Variants in PDS5B observed in about 807,000 individuals in gnomAD.
PDS5B encodes sister chromatid cohesion protein PDS5 homolog B.
PDS5B carries 51 observed loss-of-function variants against 184.1 expected under a neutral mutation model. That is an observed-to-expected ratio of 0.28 (90% CI 0.22 to 0.35). PDS5B has a LOEUF of 0.35. Ranked by LOEUF, PDS5B falls within the 10% of genes least tolerant of loss-of-function variation. PDS5B has a pLI of 1.00. For synonymous variants in PDS5B, 566 were observed against 569.2 expected, an observed-to-expected ratio of 0.99 and a Z score of 0.08; for missense variants, 1,180 against 1,723.3, an observed-to-expected ratio of 0.68 and a Z score of 5.58.
chr13:32,707,518 T>C (rs1952065366), intron 18 of PDS5B, among the ~76,000 whole-genome samples: 2 of 151,420 alleles, frequency 1.3e-5, no homozygotes, highest in African/African-American at 4.9e-5. Context: ...TTGGGATCAT[T>C]GAGATCAAAC....
chr13:32,711,521 C>T (rs1952203023), intron 19 of PDS5B, among the ~76,000 whole-genome samples: 1 of 152,010 alleles, frequency 6.6e-6, no homozygotes, highest in African/African-American at 2.4e-5. Context: ...CCACACCTGG[C>T]TAATTTTTGT....
At position 32,755,925 on chromosome 13, in the gene PDS5B, C is replaced by G; in HGVS notation, c.3025C>G (p.Gln1009Glu). ...LAHDPDYVKV[Q>E]DIEQLKDVKE... is the part of the protein sequence containing the mutation. ...ACATGACCCAGATTATGTCAAAGTA[C>G]AGGATATTGAACAACTTAAAGATGT... Residue 1009 changes from glutamine (Q) to glutamate (E), a missense_variant, in exon 26 of 35, where the codon CAG (glutamine) becomes GAG (glutamate). Transcript: ENST00000315596. 6.4e-7 allele frequency: 1 copy of G among 1,573,330 alleles called. No homozygotes were observed. Among genetic ancestry groups the G allele is most frequent in the Non-Finnish European group, 8.7e-7 (1 of 1,147,938 alleles).
At position 32,758,056 on chromosome 13, in the gene PDS5B, A is replaced by G. The variant is rs1237535057; in HGVS notation, c.3057-31A>G. The G allele has an allele frequency of 1.2e-5, 11 of 955,134 alleles. No individual in the cohort carries two copies. In the Admixed American group the frequency reaches 2.3e-4, roughly 20 times the overall value. 59.2% of individuals were successfully genotyped at this position (955,134 alleles called of 1,614,324 possible). A position where few individuals can be genotyped will look rare whatever the true frequency, so the allele number is the denominator to read the frequency against. The stretch of plus-strand genomic sequence containing the variant: ...ATTTAACAAAGGATGATTTTCTTCT[A>G]TATTTCTTTTTTCCTTTTTTTTTTT... On this transcript the variant is annotated intron_variant, in intron 26 of 34. Transcript: ENST00000315596.
At chr13:32,646,157 A>G (rs910496274) in intron 1 of PDS5B, among the ~76,000 whole-genome samples, 1 of 151,986 alleles carries the variant, frequency 6.6e-6, no homozygotes, top group East Asian at 1.9e-4. Context: ...GGTGCACACC[A>G]CTATGCTTGG....
At chr13:32,708,147 C>T (rs1162334769) in intron 18 of PDS5B, among the ~76,000 whole-genome samples, 3 of 152,138 alleles carry the variant, frequency 2.0e-5, no homozygotes, top group African/African-American at 7.2e-5. Context: ...CTGCCCTGAG[C>T]TACAACTCTC....
At chr13:32,756,049 G>T in intron 26 of PDS5B, 93 bp downstream of exon 26, 1 of 666,576 alleles carries the variant, frequency 1.5e-6, no homozygotes, top group Non-Finnish European at 2.7e-6. Flanking sequence ...TTAGTTTATT[G>T]ATGTATTTCA....
chr13:32,653,543 T>G (rs1013951841), intron 3 of PDS5B, among the ~76,000 whole-genome samples: 1 of 152,152 alleles, frequency 6.6e-6, no homozygotes, highest in African/African-American at 2.4e-5. Flanking sequence ...ACAATTCAAG[T>G]AGAGGATGTG....
intron 21 of PDS5B, among the ~76,000 whole-genome samples, chr13:32,738,419 A>C (rs1953416229): frequency 6.6e-6 from 1 of 152,182 alleles, no homozygotes; most frequent in South Asian, 2.1e-4. Flanking sequence ...TTATAGTCCC[A>C]ATGTGCATTT....
chr13:32,716,057 GT>G (rs373822086), intron 19 of PDS5B, among the ~76,000 whole-genome samples: 151,981 of 151,986 alleles, frequency 1, 75,988 homozygotes, highest in Middle Eastern at 1. Flanking sequence ...AGTGCCGAGA[GT>G]TGCAGCCTCT....
intron 1 of PDS5B, among the ~76,000 whole-genome samples, chr13:32,595,547 T>A (rs551141519): frequency 1.3e-4 from 20 of 152,294 alleles, no homozygotes; most frequent in African/African-American, 4.6e-4. Flanking sequence ...GCATGGGATT[T>A]CCACAATAGA....
At chr13:32,615,636 G>A (rs2058207260) in intron 1 of PDS5B, among the ~76,000 whole-genome samples, 1 of 152,108 alleles carries the variant, frequency 6.6e-6, no homozygotes, top group South Asian at 2.1e-4. Context: ...AGTCATCATG[G>A]TGTAATGAAG....
At chr13:32,710,965 G>A (rs1566357408) in intron 19 of PDS5B, among the ~76,000 whole-genome samples, 1 of 152,014 alleles carries the variant, frequency 6.6e-6, no homozygotes, top group South Asian at 2.1e-4. Context: ...CTGATAAATA[G>A]AACAAAGGCA....
At chr13:32,741,770 A>G (rs1300585641) in intron 22 of PDS5B, among the ~76,000 whole-genome samples, 3 of 150,060 alleles carry the variant, frequency 2.0e-5, no homozygotes, top group Non-Finnish European at 3.0e-5. Flanking sequence ...ATTACGAACT[A>G]CCTTTTCACA....
intron 10 of PDS5B, among the ~76,000 whole-genome samples, chr13:32,680,827 CTG>C (rs1178986611): frequency 2.0e-5 from 3 of 152,166 alleles, no homozygotes; most frequent in African/African-American, 7.2e-5. Flanking sequence ...GGGTCTTACT[CTG>C]TTGCCCAGGC....
intron 19 of PDS5B, among the ~76,000 whole-genome samples, chr13:32,716,954 G>A (rs1194201626): frequency 4.8e-5 from 5 of 104,052 alleles, no homozygotes; most frequent in African/African-American, 1.1e-4. Context: ...CAGCCACCCC[G>A]TCCGGGAGGG....
rs144605097 is a variant in PDS5B at position 32,731,333 on chromosome 13, A to G, written c.2124-768A>G. Among the ~76,000 whole-genome samples the G allele has an allele frequency of 2.6e-3, 401 of 152,232 alleles. 1 individual carries two copies. The highest frequency in any genetic ancestry group is 8.8e-3 in the African/African-American group (365 of 41,524). On this transcript the variant is annotated intron_variant, in intron 19 of 34. Transcript: ENST00000315596. The stretch of plus-strand genomic sequence containing the variant: ...CTCCTTTATTCGGTATTCGTTTTAA[A>G]TGTTTGAGTTATGAAATAATACGAT...
At chr13:32,714,092 G>A (rs1952292333) in intron 19 of PDS5B, among the ~76,000 whole-genome samples, 1 of 152,216 alleles carries the variant, frequency 6.6e-6, no homozygotes, top group South Asian at 2.1e-4. Flanking sequence ...TTTTCAAAAG[G>A]GGAGGGAGTG....
intron 1 of PDS5B, among the ~76,000 whole-genome samples, chr13:32,604,160 C>T (rs559845578): frequency 6.6e-6 from 1 of 152,128 alleles, no homozygotes; most frequent in Non-Finnish European, 1.5e-5. Context: ...TGCCAGTTTT[C>T]GAAGAGAATG....
At chr13:32,695,715 A>C (rs938290613) in intron 14 of PDS5B, among the ~76,000 whole-genome samples, 2 of 151,998 alleles carry the variant, frequency 1.3e-5, no homozygotes, top group African/African-American at 4.8e-5. Flanking sequence ...TTTGATTCTC[A>C]CTGTTCCTCT....
Sources: allele counts gnomAD v4.1 joint callset (sites outside exome capture counted in the v4.1 genomes callset), GRCh38; gene constraint gnomAD v4.1.1; transcripts MANE v1.5; gene names NCBI Gene and HGNC (gene_info 2026-07-23, HGNC 2026-07-21).